PKD1L1: variants seen among roughly 807,000 people sequenced by gnomAD.
The protein encoded by PKD1L1 is polycystin 1 like 1, transient receptor potential channel interacting.
A neutral mutation model predicts 323.4 loss-of-function variants in PKD1L1; 236 were observed. That is an observed-to-expected ratio of 0.73 (90% confidence interval 0.66 to 0.81). PKD1L1 has a LOEUF of 0.81. Among genes scored for constraint, PKD1L1 ranks in the 40% least tolerant of loss-of-function variants. The pLI is 0.00. For missense variants in PKD1L1, 3,320 were observed against 3,508.0 expected (o/e 0.95, Z 1.35); for synonymous variants, 1,344 against 1,335.0 (o/e 1.01, Z -0.15).
At chr7:47,850,636 A>C (rs1263454547) in intron 31 of PKD1L1, among the ~76,000 whole-genome samples, 2 of 150,908 alleles carry the variant, frequency 1.3e-5, no homozygotes, top group African/African-American at 4.9e-5. Flanking sequence ...CTGTCTCAAA[A>C]AAAAAAAAAA....
chr7:47,883,284 A>C (rs1269586012), intron 19 of PKD1L1, among the ~76,000 whole-genome samples: 1 of 152,214 alleles, frequency 6.6e-6, no homozygotes, highest in Non-Finnish European at 1.5e-5. Flanking sequence ...AGAGATTACA[A>C]AAGGCCCAGC....
At position 47,898,030 on chromosome 7, in the gene PKD1L1, C is replaced by G. The variant is rs574158839; in HGVS notation, c.2229G>C (p.Pro743=). 6 of 1,612,908 alleles carry G rather than the reference C, an allele frequency of 3.7e-6. No homozygotes were observed. Among genetic ancestry groups the G allele is most frequent in the South Asian group, 1.1e-5 (1 of 90,964 alleles). ...AGTTCCCATACTCCAAGGTGTGGCT[C>G]GGGAGGATGAGGGTCTGTCTGTGAG... is the stretch of plus-strand genomic sequence containing the variant. The part of the protein sequence containing the change: ...VDTHRQTLIL[P]SHTLEYGNYT... The change falls in exon 14 of 57, where the codon CCG becomes CCC. Residue 743 remains proline, a synonymous_variant. Transcript: ENST00000289672.
intron 41 of PKD1L1, among the ~76,000 whole-genome samples, chr7:47,832,428 G>A (rs900709190): frequency 6.6e-6 from 1 of 152,196 alleles, no homozygotes; most frequent in East Asian, 1.9e-4. Context: ...TCTTTTTTGT[G>A]CCCCACTGTG....
chr7:47,922,764 C>T (rs1052516450), intron 7 of PKD1L1, among the ~76,000 whole-genome samples: 14 of 151,540 alleles, frequency 9.2e-5, no homozygotes, highest in Middle Eastern at 3.5e-3. Context: ...GGGGGCAGCC[C>T]CCACCCCGGC....
chr7:47,798,539 C>T (rs905778212), intron 54 of PKD1L1, among the ~76,000 whole-genome samples: 3 of 151,976 alleles, frequency 2.0e-5, no homozygotes, highest in Admixed American at 6.6e-5. Context: ...GGGAGGATCA[C>T]GAGGTCAGGA....
chr7:47,851,402 A>T (rs1785780124), intron 31 of PKD1L1, among the ~76,000 whole-genome samples: 1 of 150,898 alleles, frequency 6.6e-6, no homozygotes, highest in African/African-American at 2.4e-5. Flanking sequence ...AACACATTGA[A>T]TTTTTTTTTT....
chr7:47,866,710 A>G, intron 24 of PKD1L1, 96 bp from the exon 25 acceptor site: 1 of 1,006,910 alleles, frequency 9.9e-7, no homozygotes, highest in Non-Finnish European at 1.5e-6. Flanking sequence ...TTGCAAAAAT[A>G]CCTCTTGGAC....
intron 15 of PKD1L1, among the ~76,000 whole-genome samples, 194 bp from the exon 16 acceptor site, chr7:47,890,957 G>A (rs1786803347): frequency 6.6e-6 from 1 of 152,124 alleles, no homozygotes; most frequent in Non-Finnish European, 1.5e-5. Flanking sequence ...ACCACCTGGG[G>A]TGGGCTCAGG....
intron 53 of PKD1L1, among the ~76,000 whole-genome samples, chr7:47,802,954 T>C (rs573991892): frequency 1.1e-4 from 17 of 152,370 alleles, no homozygotes; most frequent in African/African-American, 3.4e-4. Flanking sequence ...CTTATATTAG[T>C]AATAATAACA....
intron 31 of PKD1L1, among the ~76,000 whole-genome samples, chr7:47,852,434 C>T (rs1785800959): frequency 6.6e-6 from 1 of 152,104 alleles, no homozygotes; most frequent in Non-Finnish European, 1.5e-5. Flanking sequence ...ATAACTATAT[C>T]CCAGTAAACA....
rs542899601 is a variant in PKD1L1, at chr7:47,877,999, C to T, written c.3521-368G>A. Among the ~76,000 whole-genome samples the T allele has an allele frequency of 3.9e-5, 6 of 152,068 alleles. No homozygotes were observed. In the East Asian group the frequency reaches 1.2e-3, roughly 29 times the overall value. On this transcript the variant is annotated intron_variant, in intron 21 of 56. Coordinates refer to ENST00000289672, the MANE Select transcript of PKD1L1 (RefSeq NM_138295.5). ...CTACCTGGGAGTCACATGGCAACCA[C>T]CCAGACAGAAACCGAAGCCTGAGGG...
Position 47,813,960 on chromosome 7 carries a change from G to A in PKD1L1, c.7144C>T (p.Leu2382=). The change falls in exon 48 of 57, where the codon CTA becomes TTA. Residue 2382 remains leucine (L), a synonymous_variant. Coordinates refer to ENST00000289672, the MANE Select transcript of PKD1L1 (RefSeq NM_138295.5). ...YLIGSSVIRQ[L]KVFPRHLCKP... Reference sequence around the variant, plus strand: ...CATAAATGCCTAGGAAAAACTTTTAGCTGCCTAATTACGGAACTGCCTATT... The same window carrying A: ...CATAAATGCCTAGGAAAAACTTTTAACTGCCTAATTACGGAACTGCCTATT... 6.2e-7 allele frequency: 1 copy of A among 1,614,060 alleles called. No homozygotes were observed. Among genetic ancestry groups the A allele is most frequent in the Non-Finnish European group, 8.5e-7 (1 of 1,179,992 alleles).
chr7:47,931,119 G>C lies in PKD1L1; in HGVS notation c.722C>G (p.Pro241Arg), dbSNP rs1287232463. 6.2e-7 allele frequency: 1 copy of C among 1,613,898 alleles called. No individual in the cohort carries two copies. The highest frequency in any genetic ancestry group is 1.3e-5 in the African/African-American group (1 of 74,942). ...RVPLWPISHFPTSPRSSHGLP... is the reference protein window; with the variant it reads ...RVPLWPISHFRTSPRSSHGLP... ...TTCACCGTACCTTCTGGGAGAAGTG[G>C]GAAAATGTGAAATCGGCCACAGGGG... The change falls in exon 6 of 57, where the codon CCC (proline) becomes CGC (arginine). Residue 241 changes from proline to arginine, a missense_variant. Transcript: ENST00000289672.
chr7:47,842,110 C>T (rs1338659483), intron 34 of PKD1L1, among the ~76,000 whole-genome samples: 2 of 152,220 alleles, frequency 1.3e-5, no homozygotes, highest in East Asian at 3.8e-4. Flanking sequence ...TCTAAAGCTT[C>T]ACCACTAAAT....
At chr7:47,940,097 A>T in intron 3 of PKD1L1, 96 bp downstream of exon 3, 1 of 1,488,732 alleles carries the variant, frequency 6.7e-7, no homozygotes, top group Admixed American at 1.8e-5. Flanking sequence ...ACAATCCCTG[A>T]TGAATTCCTG....
chr7:47,791,047 T>A (rs1157650155), intron 56 of PKD1L1, among the ~76,000 whole-genome samples: 1 of 152,216 alleles, frequency 6.6e-6, no homozygotes, highest in African/African-American at 2.4e-5. Flanking sequence ...GTTCTAGTTT[T>A]AATAGATGTG....
At chr7:47,821,216 A>G (rs1382226929) in intron 45 of PKD1L1, 30 bp from the exon 46 acceptor site, 1 of 1,421,198 alleles carries the variant, frequency 7.0e-7, no homozygotes, top group Non-Finnish European at 9.9e-7. Context: ...GTTAGCATCC[A>G]TACAGACCCT....
chr7:47,895,826 A>C (rs1786923352), intron 14 of PKD1L1, among the ~76,000 whole-genome samples: 1 of 152,206 alleles, frequency 6.6e-6, no homozygotes, highest in Non-Finnish European at 1.5e-5. Context: ...TTAAGGCTTG[A>C]GGAATGGGGG....
intron 46 of PKD1L1, among the ~76,000 whole-genome samples, chr7:47,815,850 G>A (rs1386463791): frequency 1.8e-5 from 1 of 55,762 alleles, no homozygotes. Context: ...CAAATATGAA[G>A]GAGGAAAAAA....
Sources: allele counts gnomAD v4.1 joint callset (sites outside exome capture counted in the v4.1 genomes callset), GRCh38; gene constraint gnomAD v4.1.1; transcripts MANE v1.5; gene names NCBI Gene and HGNC (gene_info 2026-07-23, HGNC 2026-07-21).